Variants in ARHGEF3 observed in about 807,000 individuals in gnomAD.
The protein encoded by ARHGEF3 is Rho guanine nucleotide exchange factor 3, also known as 59.8 kDA protein.
Under a neutral mutation model 63.2 loss-of-function variants are expected in ARHGEF3, and 28 were observed. The observed-to-expected ratio is 0.44, with a 90% CI of 0.33 to 0.61. ARHGEF3 has a LOEUF of 0.61. Among genes scored for constraint, ARHGEF3 ranks in the 20% least tolerant of loss-of-function variants. The probability of loss-of-function intolerance (pLI) is 0.03; values close to 1 mark genes in which losing one functional copy is unlikely to be tolerated. For missense variants in ARHGEF3, 533 were observed against 659.3 expected (o/e 0.81, Z 2.10); for synonymous variants, 266 against 254.2 (o/e 1.05, Z -0.44).
chr3:57,000,179 G>C (rs1022193023), intron 2 of ARHGEF3, among the ~76,000 whole-genome samples: 7 of 152,112 alleles, frequency 4.6e-5, no homozygotes, highest in Admixed American at 2.0e-4. Flanking sequence ...CATAGTGAAT[G>C]TTATTTTCAC....
intron 3 of ARHGEF3, 119 bp from the exon 4 acceptor site, chr3:56,753,685 C>G: frequency 1.2e-6 from 1 of 844,582 alleles, no homozygotes; most frequent in Non-Finnish European, 1.9e-6. Context: ...TTTTAAGTTA[C>G]GTTAACCTGA....
chr3:56,766,344 G>C (rs1396435534), intron 2 of ARHGEF3, among the ~76,000 whole-genome samples: 1 of 152,210 alleles, frequency 6.6e-6, no homozygotes, highest in African/African-American at 2.4e-5. Flanking sequence ...GCAATGAGAG[G>C]CAGTGGTTGC....
At chr3:56,979,475 G>T (rs1057031218) in intron 2 of ARHGEF3, among the ~76,000 whole-genome samples, 3 of 152,228 alleles carry the variant, frequency 2.0e-5, no homozygotes, top group Admixed American at 2.0e-4. Flanking sequence ...CCCCCAAGAT[G>T]CCACACCTTC....
chr3:56,881,891 G>GTCTTAT (rs1226794656), intron 4 of ARHGEF3, among the ~76,000 whole-genome samples: 1 of 152,242 alleles, frequency 6.6e-6, no homozygotes, highest in Non-Finnish European at 1.5e-5. Context: ...TGCTTCTGGA[G>GTCTTAT]TCTTATTCTG....
chr3:56,839,152 T>A (rs938703910), intron 4 of ARHGEF3, among the ~76,000 whole-genome samples: 4 of 151,540 alleles, frequency 2.6e-5, no homozygotes, highest in African/African-American at 9.7e-5. Context: ...AAAAAAAAAT[T>A]TTTTTTTGTA....
chr3:57,039,840 A>G (rs1008864428), intron 1 of ARHGEF3, among the ~76,000 whole-genome samples: 1 of 152,098 alleles, frequency 6.6e-6, no homozygotes, highest in Non-Finnish European at 1.5e-5. Flanking sequence ...CTCAAGGATG[A>G]TCTCCCCATG....
chr3:56,770,897 A>G (rs755499299), intron 2 of ARHGEF3, among the ~76,000 whole-genome samples: 16 of 152,176 alleles, frequency 1.1e-4, no homozygotes, highest in Admixed American at 2.0e-4. Context: ...GGATCACTTT[A>G]GGTCAGGAGT....
chr3:57,064,137 T>C (rs1485254351), intron 1 of ARHGEF3, among the ~76,000 whole-genome samples: 3 of 151,972 alleles, frequency 2.0e-5, no homozygotes, highest in Non-Finnish European at 2.9e-5. Flanking sequence ...GGCATAGTGG[T>C]GCATGCCTGT....
chr3:56,902,233 T>G (rs1194762285), intron 3 of ARHGEF3, among the ~76,000 whole-genome samples: 2 of 152,238 alleles, frequency 1.3e-5, no homozygotes, highest in Non-Finnish European at 2.9e-5. Context: ...ACTGCACAAG[T>G]GCCATGAGTA....
At chr3:56,802,117 G>C (rs2037690874), upstream of ARHGEF3, 3 of 830,386 alleles carry the variant, frequency 3.6e-6, no homozygotes, top group South Asian at 2.1e-5. Context: ...CGGGTGGAGA[G>C]GGACCTCTCT....
chr3:57,060,781 T>C (rs1219018480), intron 1 of ARHGEF3: 2 of 151,926 alleles, frequency 1.3e-5, no homozygotes, highest in Non-Finnish European at 2.9e-5. Flanking sequence ...GAGCCTCTGG[T>C]GTCTTGTGAG....
chr3:56,795,395 GT>G lies in ARHGEF3; in HGVS notation c.96+6307del, dbSNP rs2107938750. Among the ~76,000 whole-genome samples, 3 of 152,244 alleles carry G rather than the reference GT, an allele frequency of 2.0e-5. No individual in the cohort carries two copies. In the South Asian group the frequency reaches 6.2e-4, roughly 32 times the overall value. ...ATAAATCCTCAGAAAAAAAGAGCCT[GT>G]TTTGCTACTCCTTTCCTCCTCATCT... On this transcript the variant is annotated intron_variant, in intron 1 of 9. Transcript: ENST00000296315.
intron 2 of ARHGEF3, among the ~76,000 whole-genome samples, chr3:56,976,557 A>G (rs193128705): frequency 1.4e-3 from 219 of 152,296 alleles, no homozygotes; most frequent in African/African-American, 4.2e-3. Flanking sequence ...GAACATTGCA[A>G]TCTTAAAAGT....
intron 8 of ARHGEF3, among the ~76,000 whole-genome samples, chr3:56,733,160 G>T (rs183807028): frequency 1.6e-4 from 25 of 151,878 alleles, no homozygotes; most frequent in Admixed American, 9.2e-4. Flanking sequence ...GCGGGCACCT[G>T]TAGTCCCAGC....
At chr3:56,915,923 A>G (rs1176322577) in intron 3 of ARHGEF3, among the ~76,000 whole-genome samples, 2 of 152,170 alleles carry the variant, frequency 1.3e-5, no homozygotes, top group Admixed American at 6.5e-5. Flanking sequence ...TTTCCTTCCC[A>G]TTAATTAAAA....
chr3:57,009,499 G>C (rs998777660), intron 2 of ARHGEF3, among the ~76,000 whole-genome samples: 1 of 152,192 alleles, frequency 6.6e-6, no homozygotes, highest in Non-Finnish European at 1.5e-5. Context: ...GGCTAGAGGC[G>C]GGTGGATCTC....
intron 3 of ARHGEF3, among the ~76,000 whole-genome samples, chr3:56,891,041 A>G (rs1578772709): frequency 6.6e-6 from 1 of 152,130 alleles, no homozygotes. Context: ...GTGTTCTTGT[A>G]CTTGCCCTTA....
At chr3:57,024,143 C>A (rs1703373599) in intron 2 of ARHGEF3, among the ~76,000 whole-genome samples, 1 of 152,056 alleles carries the variant, frequency 6.6e-6, no homozygotes, top group African/African-American at 2.4e-5. Context: ...ACTCGGGAAC[C>A]CACCACTCCC....
intron 1 of ARHGEF3, among the ~76,000 whole-genome samples, chr3:56,795,977 TAA>T (rs10707991): frequency 1.6e-4 from 23 of 143,764 alleles, no homozygotes; most frequent in Admixed American, 4.1e-4. Flanking sequence ...GTCAACTAAT[TAA>T]AAAAAAAAAA....
Sources: allele counts gnomAD v4.1 joint callset (sites outside exome capture counted in the v4.1 genomes callset), GRCh38; gene constraint gnomAD v4.1.1; transcripts MANE v1.5; gene names NCBI Gene and HGNC (gene_info 2026-07-23, HGNC 2026-07-21).